DSCAML1: variants seen among roughly 807,000 people sequenced by gnomAD.
DSCAML1 encodes the protein DS cell adhesion molecule like 1.
Under a neutral mutation model 200.5 loss-of-function variants are expected in DSCAML1, and 38 were observed. The observed-to-expected ratio is 0.19, with a 90% CI of 0.15 to 0.25. DSCAML1 has a LOEUF of 0.25. DSCAML1 is among the 10% of genes least tolerant of loss of function. The pLI is 1.00. For missense variants in DSCAML1, 2,223 were observed against 2,858.8 expected, an observed-to-expected ratio of 0.78 and a Z score of 5.07; for synonymous variants, 1,215 against 1,165.0, an observed-to-expected ratio of 1.04 and a Z score of -0.87.
At position 117,778,775 on chromosome 11, in the gene DSCAML1, G is replaced by A. The variant is rs79818447; in HGVS notation, c.364+1718C>T. Among the ~76,000 whole-genome samples, 119 of 152,292 alleles carry A rather than the reference G, an allele frequency of 7.8e-4. No homozygotes were observed. In the East Asian group the frequency reaches 0.016, roughly 20 times the overall value. ...CCTTCCCCTTAGCCCAATCCTCCAC[G>A]CTGTGGAGGCCAGAGCTGGGCTCCA... On this transcript the variant is annotated intron_variant, in intron 2 of 32. Coordinates refer to ENST00000651296, the MANE Select transcript of DSCAML1 (RefSeq NM_020693.4).
In DSCAML1 at chr11:117,504,803, A is replaced by T; in HGVS notation, c.2182+121T>A. 1 of 1,362,802 alleles carries T rather than the reference A, an allele frequency of 7.3e-7. No homozygotes were observed. The highest frequency in any genetic ancestry group is 2.5e-5 in the East Asian group (1 of 39,238). 84.4% of individuals were successfully genotyped at this position (1,362,802 alleles called of 1,614,324 possible). On this transcript the variant is annotated intron_variant, in intron 10 of 32. Coordinates refer to ENST00000651296, the MANE Select transcript of DSCAML1 (RefSeq NM_020693.4). The surrounding 1 kb of genome is among the most constrained non-coding windows in gnomAD (Gnocchi z 5.0). The stretch of plus-strand genomic sequence containing the variant: ...TAGCCTGGGGTCCACTGGGGTGCAG[A>T]CCAGAGGACTCCCATCCAGGGATAG...
intron 11 of DSCAML1, among the ~76,000 whole-genome samples, chr11:117,501,329 A>AC (rs1173383685): frequency 6.6e-6 from 1 of 152,070 alleles, no homozygotes. Flanking sequence ...CCAGCAGTCC[A>AC]CCCAGTGCCC....
At chr11:117,641,070 T>C (rs2052395968) in intron 3 of DSCAML1, among the ~76,000 whole-genome samples, 1 of 152,254 alleles carries the variant, frequency 6.6e-6, no homozygotes, top group South Asian at 2.1e-4. Context: ...GCAAATCAGG[T>C]TGAGAACCAC....
chr11:117,799,578 C>T (rs998716381), upstream of DSCAML1, among the ~76,000 whole-genome samples: 8 of 152,194 alleles, frequency 5.3e-5, no homozygotes, highest in Non-Finnish European at 7.3e-5. Context: ...TGGAAATAAA[C>T]GGGTGGTCAG....
At chr11:117,609,178 G>C (rs1345423451) in intron 3 of DSCAML1, among the ~76,000 whole-genome samples, 1 of 150,798 alleles carries the variant, frequency 6.6e-6, no homozygotes, top group Non-Finnish European at 1.5e-5. Flanking sequence ...CAGGCTGGGC[G>C]ACAGAGCCAG....
chr11:117,580,292 A>T (rs1190383121), intron 3 of DSCAML1, among the ~76,000 whole-genome samples: 3 of 152,184 alleles, frequency 2.0e-5, no homozygotes, highest in Non-Finnish European at 4.4e-5. Flanking sequence ...GGACAAGGCA[A>T]AGTTACCAGC....
At chr11:117,720,607 A>G (rs1309903130) in intron 3 of DSCAML1, among the ~76,000 whole-genome samples, 1 of 152,222 alleles carries the variant, frequency 6.6e-6, no homozygotes, top group African/African-American at 2.4e-5. Flanking sequence ...TTCCCAAAGA[A>G]TTTGCTGAGT....
At chr11:117,613,308 T>C (rs1005650177) in intron 3 of DSCAML1, among the ~76,000 whole-genome samples, 1 of 151,642 alleles carries the variant, frequency 6.6e-6, no homozygotes, top group Non-Finnish European at 1.5e-5. Flanking sequence ...GGAGTAATAG[T>C]AAAGACATGG....
At chr11:117,596,691 A>T (rs1186502457) in intron 3 of DSCAML1, among the ~76,000 whole-genome samples, 1 of 152,238 alleles carries the variant, frequency 6.6e-6, no homozygotes, top group Non-Finnish European at 1.5e-5. Flanking sequence ...ATACAGGGAA[A>T]AAGTAGTGAA....
At chr11:117,532,606 A>T in intron 3 of DSCAML1, 84 bp from the exon 4 acceptor site, 5 of 1,327,794 alleles carry the variant, frequency 3.8e-6, no homozygotes, top group Non-Finnish European at 5.2e-6. Context: ...ACAGATGAGG[A>T]TTTTCACACA....
intron 3 of DSCAML1, among the ~76,000 whole-genome samples, chr11:117,566,329 C>T (rs1312048343): frequency 6.9e-6 from 1 of 145,906 alleles, no homozygotes; most frequent in African/African-American, 2.5e-5. Context: ...CTCTTTCTCC[C>T]TTTCTTTTCT....
In DSCAML1 at chr11:117,587,528, G is replaced by T. The variant is rs73588624; in HGVS notation, c.512-55006C>A. On this transcript the variant is annotated intron_variant, in intron 3 of 32. Transcript: ENST00000651296. ...TTCCCTCTCCCCTATCTCCTCTAGG[G>T]AGCCCAAGACTCCAGACGCGGGGAC... Among the ~76,000 whole-genome samples, 395 of 152,176 alleles carry T rather than the reference G, an allele frequency of 2.6e-3. 3 individuals carry two copies. The highest frequency in any genetic ancestry group is 9.3e-3 in the African/African-American group (385 of 41,514).
In DSCAML1 at chr11:117,435,638, C is replaced by T. The variant is rs751022736; in HGVS notation, c.4876+6G>A. 44 of 1,591,716 alleles carry T rather than the reference C, an allele frequency of 2.8e-5. No individual in the cohort carries two copies. The Admixed American group carries it at 7.4e-4, about 27-fold the overall frequency. ...CTCCTGGAAGGCCCATAGGAAGCTCCCCCACCTCGGAGTCGCTTCAGCCGT... is the reference window on the plus strand; with the variant it reads ...CTCCTGGAAGGCCCATAGGAAGCTCTCCCACCTCGGAGTCGCTTCAGCCGT... On this transcript the variant is annotated splice_donor_region_variant and intron_variant, in intron 27 of 32. Transcript: ENST00000651296.
intron 3 of DSCAML1, among the ~76,000 whole-genome samples, chr11:117,774,434 A>G (rs2055094241): frequency 1.3e-5 from 2 of 152,210 alleles, no homozygotes; most frequent in African/African-American, 4.8e-5. Flanking sequence ...GCAGTGTTCT[A>G]GACATTGTTC....
chr11:117,479,771 T>C (rs911491741), intron 14 of DSCAML1, among the ~76,000 whole-genome samples: 1 of 152,148 alleles, frequency 6.6e-6, no homozygotes, highest in African/African-American at 2.4e-5. Context: ...GCCTCAGCCT[T>C]CTGAGTAGCT....
intron 3 of DSCAML1, among the ~76,000 whole-genome samples, chr11:117,752,864 C>T (rs1233874005): frequency 1.3e-5 from 2 of 152,206 alleles, no homozygotes; most frequent in Admixed American, 6.5e-5. Flanking sequence ...GCAGGCTCTC[C>T]CAGGGCCCAG....
chr11:117,536,605 T>A (rs1399950503), intron 3 of DSCAML1, among the ~76,000 whole-genome samples: 2 of 152,236 alleles, frequency 1.3e-5, no homozygotes, highest in Non-Finnish European at 2.9e-5. Context: ...CACAAAGAAC[T>A]GTTCCACCCC....
chr11:117,556,109 T>G (rs2050554313), intron 3 of DSCAML1, among the ~76,000 whole-genome samples: 1 of 152,166 alleles, frequency 6.6e-6, no homozygotes, highest in African/African-American at 2.4e-5. Context: ...AGGAGGTTAA[T>G]CCCAGCACCA....
Position 117,480,324 on chromosome 11 carries a change from T to C in DSCAML1, c.2785+119A>G, listed in dbSNP as rs1300754447. Reference sequence around the variant, plus strand: ...TTGTGCACTGGTGGGTGCTTGTGTGTCTAGCTTGGATGGGCAGCCCTAAGG... The same window carrying C: ...TTGTGCACTGGTGGGTGCTTGTGTGCCTAGCTTGGATGGGCAGCCCTAAGG... On this transcript the variant is annotated intron_variant, in intron 14 of 32. Coordinates refer to ENST00000651296, the MANE Select transcript of DSCAML1 (RefSeq NM_020693.4). This position sits in a 1 kb window ranked among gnomAD's most constrained non-coding sequence, Gnocchi z 4.1. The C allele has an allele frequency of 5.5e-6, 8 of 1,453,694 alleles. No homozygotes were observed. The allele number at this position is 1,453,694 out of a possible 1,614,324, so 90.0% of individuals were successfully genotyped here. A position where few individuals can be genotyped will look rare whatever the true frequency, so the allele number is the denominator to read the frequency against.
Sources: allele counts gnomAD v4.1 joint callset (sites outside exome capture counted in the v4.1 genomes callset), GRCh38; gene constraint gnomAD v4.1.1; non-coding constraint Gnocchi (gnomAD v3.1); transcripts MANE v1.5; gene names NCBI Gene and HGNC (gene_info 2026-07-23, HGNC 2026-07-21).